Variants in POFUT3 observed in about 807,000 individuals in gnomAD.
POFUT3 encodes protein O-fucosyltransferase 3.
At chr8:33,397,732 T>C in the POFUT3 span, among the ~76,000 whole-genome samples, 1 of 152,178 alleles carries the variant, frequency 6.6e-6, no homozygotes, top group Non-Finnish European at 1.5e-5. Flanking sequence ...CTCTGGTTAG[T>C]TGGTTAGTTA....
At chr8:33,366,868 C>T in the POFUT3 span, among the ~76,000 whole-genome samples, 1 of 152,140 alleles carries the variant, frequency 6.6e-6, no homozygotes, top group Non-Finnish European at 1.5e-5. Flanking sequence ...AACTCAATCA[C>T]ACAAGCACTG....
chr8:33,337,769 T>C, the POFUT3 span, among the ~76,000 whole-genome samples: 1 of 152,146 alleles, frequency 6.6e-6, no homozygotes, highest in Non-Finnish European at 1.5e-5. Flanking sequence ...AAAATCCAAA[T>C]AAGTTTACTA....
chr8:33,444,138 G>A, the POFUT3 span, among the ~76,000 whole-genome samples: 10 of 152,048 alleles, frequency 6.6e-5, no homozygotes, highest in African/African-American at 1.4e-4. Flanking sequence ...TAAGGGTTAT[G>A]AAGAAAGAAA....
the POFUT3 span, among the ~76,000 whole-genome samples, chr8:33,375,506 G>A: frequency 2.6e-4 from 40 of 152,150 alleles, 1 homozygote; most frequent in African/African-American, 8.7e-4. Flanking sequence ...ATCTTCAGAG[G>A]AGAGTTAAAC....
the POFUT3 span, chr8:33,372,640 C>G: frequency 6.2e-7 from 1 of 1,614,016 alleles, no homozygotes; most frequent in Admixed American, 1.7e-5. Context: ...TATCAACCAG[C>G]CACCTTAGTG....
At chr8:33,397,943 AG>A in the POFUT3 span, among the ~76,000 whole-genome samples, 2 of 152,244 alleles carry the variant, frequency 1.3e-5, no homozygotes, top group South Asian at 2.1e-4. Context: ...GGTTTTACTG[AG>A]TCCTATTATT....
At chr8:33,361,277 T>C in the POFUT3 span, 1 of 152,176 alleles carries the variant, frequency 6.6e-6, no homozygotes, top group African/African-American at 2.4e-5. Flanking sequence ...AATCGCCCAG[T>C]GTTGACAGAA....
the POFUT3 span, among the ~76,000 whole-genome samples, chr8:33,347,847 A>C: frequency 3.3e-3 from 501 of 152,300 alleles, 2 homozygotes; most frequent in African/African-American, 0.011. Context: ...CCAGACTAAC[A>C]TAAGAGAAGA....
chr8:33,455,847 C>T, the POFUT3 span: 1 of 455,884 alleles, frequency 2.2e-6, no homozygotes. Context: ...TCTGTAACTC[C>T]CTGGGGAGGG....
chr8:33,427,311 C>T, the POFUT3 span, among the ~76,000 whole-genome samples: 1 of 152,162 alleles, frequency 6.6e-6, no homozygotes, highest in Non-Finnish European at 1.5e-5. Flanking sequence ...GGCGTGGTGG[C>T]TCACACCTGT....
the POFUT3 span, among the ~76,000 whole-genome samples, chr8:33,323,121 A>C: frequency 6.6e-6 from 1 of 152,170 alleles, no homozygotes; most frequent in Non-Finnish European, 1.5e-5. Context: ...ATACAAGTGC[A>C]CACACACAGT....
the POFUT3 span, among the ~76,000 whole-genome samples, chr8:33,453,862 A>C: frequency 6.6e-6 from 1 of 152,036 alleles, no homozygotes; most frequent in African/African-American, 2.4e-5. Context: ...AGTCAGGAGA[A>C]TCGAATCACT....
the POFUT3 span, among the ~76,000 whole-genome samples, chr8:33,390,908 T>C: frequency 6.6e-6 from 1 of 152,126 alleles, no homozygotes; most frequent in African/African-American, 2.4e-5. Flanking sequence ...TGGGTGGAGA[T>C]CCAATCAGGG....
the POFUT3 span, chr8:33,451,954 G>C: frequency 6.6e-6 from 1 of 152,152 alleles, no homozygotes; most frequent in Non-Finnish European, 1.5e-5. Context: ...CGATGATCCA[G>C]TTACCTCCAC....
chr8:33,380,215 C>CTATATATATATATACTA, the POFUT3 span, among the ~76,000 whole-genome samples: 1 of 35,596 alleles, frequency 2.8e-5, no homozygotes, highest in Non-Finnish European at 4.4e-5. Flanking sequence ...TATATATATA[C>CTATATATATATATACTA]TATATATATA....
the POFUT3 span, among the ~76,000 whole-genome samples, chr8:33,380,028 C>CTA: frequency 1.2e-4 from 8 of 65,806 alleles, 1 homozygote; most frequent in Admixed American, 2.0e-4. Context: ...TATATATATA[C>CTA]TATATATATA....
the POFUT3 span, among the ~76,000 whole-genome samples, chr8:33,341,250 C>T: frequency 2.6e-5 from 4 of 151,878 alleles, no homozygotes; most frequent in African/African-American, 9.7e-5. Flanking sequence ...GTCTAGCCAA[C>T]ATAGTGAAAC....
At chr8:33,405,020 G>A in the POFUT3 span, among the ~76,000 whole-genome samples, 1 of 152,086 alleles carries the variant, frequency 6.6e-6, no homozygotes, top group Non-Finnish European at 1.5e-5. Flanking sequence ...TTTCCAAATT[G>A]CTCAAGTCTT....
chr8:33,394,558 G>A, the POFUT3 span, among the ~76,000 whole-genome samples: 3 of 151,932 alleles, frequency 2.0e-5, no homozygotes, highest in African/African-American at 7.3e-5. Context: ...GTAAGCCAGT[G>A]ATAAAGTTGT....
Sources: gnomAD v4.1 joint callset for allele counts (sites outside exome capture counted in the v4.1 genomes callset) on GRCh38, gnomAD v4.1.1 for gene constraint, MANE v1.5 for transcripts, NCBI Gene and HGNC (gene_info 2026-07-23, HGNC 2026-07-21) for gene names.